Variants in PPP2CB observed in about 807,000 individuals in gnomAD.
PPP2CB encodes the protein serine/threonine-protein phosphatase 2A catalytic subunit beta isoform.
In PPP2CB, 18 loss-of-function variants were observed where a neutral mutation model predicts 39.1. The observed-to-expected ratio is 0.46, with a 90% CI of 0.32 to 0.68. The LOEUF (loss-of-function observed/expected upper bound fraction) is 0.68, where lower values mean the gene tolerates loss of function less well. PPP2CB is among the 30% of genes least tolerant of loss of function. PPP2CB has a pLI of 0.04. For missense variants in PPP2CB, 226 were observed against 396.9 expected (o/e 0.57, Z 3.66); for synonymous variants, 129 against 133.8 (o/e 0.96, Z 0.25).
intron 1 of PPP2CB, among the ~76,000 whole-genome samples, chr8:30,805,775 C>T (rs1047275100): frequency 3.3e-5 from 5 of 152,176 alleles, no homozygotes; most frequent in Non-Finnish European, 5.9e-5. Flanking sequence ...TAATAGATCT[C>T]CAATGGAGTC....
chr8:30,790,959 G>T (rs192415793), intron 6 of PPP2CB: 1 of 382,396 alleles, frequency 2.6e-6, no homozygotes, highest in East Asian at 5.7e-5. Context: ...TTATTACTGA[G>T]ATTTAGTAGG....
intron 6 of PPP2CB, among the ~76,000 whole-genome samples, chr8:30,787,966 A>T (rs1344050886): frequency 6.6e-6 from 1 of 152,176 alleles, no homozygotes; most frequent in Admixed American, 6.5e-5. Flanking sequence ...AAAGTTACTG[A>T]ATTTGCTGGC....
intron 5 of PPP2CB, among the ~76,000 whole-genome samples, chr8:30,791,987 CGT>C (rs1278737421): frequency 2.0e-5 from 3 of 150,650 alleles, no homozygotes; most frequent in Non-Finnish European, 4.4e-5. Flanking sequence ...TGTATATATA[CGT>C]GTGCATATAT....
At chr8:30,793,892 A>G in intron 5 of PPP2CB, 25 bp downstream of exon 5, 1 of 1,592,486 alleles carries the variant, frequency 6.3e-7, no homozygotes, top group South Asian at 1.1e-5. Context: ...TGAAATAAAG[A>G]TCATTCTGTC....
rs769622311 is a variant in PPP2CB, at chr8:30,812,440, C to A, written c.-19G>T. 12 of 1,502,310 alleles carry A rather than the reference C, an allele frequency of 8.0e-6. No individual in the cohort carries two copies. Among genetic ancestry groups the A allele is most frequent in the African/African-American group, 4.3e-5 (3 of 69,668 alleles). 93.1% of individuals were successfully genotyped at this position (1,502,310 alleles called of 1,614,324 possible). ...CGTCCATGGCGGCCCGATCCCGATG[C>A]GGATCCCGAGCCCCAGCCCGGCCGC... On this transcript the variant is annotated 5_prime_UTR_variant, in exon 1 of 7. Coordinates refer to ENST00000221138, the MANE Select transcript of PPP2CB (RefSeq NM_001009552.2).
At chr8:30,809,413 A>G (rs1440587941) in intron 1 of PPP2CB, among the ~76,000 whole-genome samples, 1 of 152,072 alleles carries the variant, frequency 6.6e-6, no homozygotes, top group African/African-American at 2.4e-5. Flanking sequence ...ACTAGAAACT[A>G]AGGTCAGAAA....
At chr8:30,812,160 G>C (rs1806843599) in intron 1 of PPP2CB, among the ~76,000 whole-genome samples, 160 bp downstream of exon 1, 1 of 151,958 alleles carries the variant, frequency 6.6e-6, no homozygotes, top group South Asian at 2.1e-4. Context: ...GCCCTGAACC[G>C]ATGGGCCGGC....
chr8:30,795,157 TTGTTGCCCA>T (rs1339016332), intron 3 of PPP2CB, among the ~76,000 whole-genome samples: 2 of 150,736 alleles, frequency 1.3e-5, no homozygotes, highest in African/African-American at 4.9e-5. Flanking sequence ...AGTTTCGCTC[TTGTTGCCCA>T]GTGCAATGGC....
At chr8:30,795,741 G>A (rs1049430107) in intron 3 of PPP2CB, among the ~76,000 whole-genome samples, 26 of 152,258 alleles carry the variant, frequency 1.7e-4, no homozygotes, top group African/African-American at 6.3e-4. Flanking sequence ...TATATTGGAC[G>A]AATTTCTGCA....
At chr8:30,796,636 A>T (rs1027726890) in intron 3 of PPP2CB, among the ~76,000 whole-genome samples, 38 of 152,170 alleles carry the variant, frequency 2.5e-4, no homozygotes, top group African/African-American at 8.9e-4. Flanking sequence ...TGATCCACCC[A>T]CCTTGGCCTC....
Position 30,799,766 on chromosome 8 carries a change from A to G in PPP2CB, c.103-11T>C. 1 of 1,608,712 alleles carries G rather than the reference A, an allele frequency of 6.2e-7. No individual in the cohort carries two copies. Among genetic ancestry groups the G allele is most frequent in the Non-Finnish European group, 8.5e-7 (1 of 1,175,740 alleles). On this transcript the variant is annotated splice_polypyrimidine_tract_variant and intron_variant, in intron 1 of 6. Transcript: ENST00000221138. ...TAAAATTTCCTTTGCCTGTTAGAAA[A>G]GTGAAATCAACAATTACAAAGTTAA...
chr8:30,801,137 TG>T (rs1806616866), intron 1 of PPP2CB, among the ~76,000 whole-genome samples: 2 of 151,638 alleles, frequency 1.3e-5, no homozygotes, highest in African/African-American at 2.4e-5. Flanking sequence ...CAGCTTGAGC[TG>T]GGGAGTTCAA....
At chr8:30,790,497 T>C (rs1393601745) in intron 6 of PPP2CB, among the ~76,000 whole-genome samples, 1 of 152,198 alleles carries the variant, frequency 6.6e-6, no homozygotes, top group African/African-American at 2.4e-5. Context: ...GTAAGATAAG[T>C]CCTCTGAGGC....
intron 5 of PPP2CB, chr8:30,793,675 A>G: frequency 2.7e-6 from 1 of 371,840 alleles, no homozygotes; most frequent in Non-Finnish European, 4.8e-6. Flanking sequence ...ATCTGAATGA[A>G]GCATACAGGG....
At chr8:30,807,380 T>C (rs1806742280) in intron 1 of PPP2CB, among the ~76,000 whole-genome samples, 1 of 152,238 alleles carries the variant, frequency 6.6e-6, no homozygotes, top group African/African-American at 2.4e-5. Context: ...AAGATGGTTT[T>C]GGGTATTCAG....
intron 5 of PPP2CB, chr8:30,793,691 T>C (rs1362345703): frequency 3.5e-5 from 15 of 428,058 alleles, no homozygotes; most frequent in South Asian, 2.5e-4. Flanking sequence ...CAGGGAATTA[T>C]GGGGTACTAT....
intron 1 of PPP2CB, among the ~76,000 whole-genome samples, chr8:30,805,878 A>G (rs1473579234): frequency 1.3e-5 from 2 of 152,166 alleles, no homozygotes; most frequent in African/African-American, 4.8e-5. Flanking sequence ...ATTTGATCAC[A>G]AAAGTATCTC....
chr8:30,787,913 G>C (rs779051245), intron 6 of PPP2CB, among the ~76,000 whole-genome samples: 5 of 152,148 alleles, frequency 3.3e-5, no homozygotes, highest in African/African-American at 7.2e-5. Flanking sequence ...TATTTCTTGA[G>C]TCAGTTTCAG....
At chr8:30,790,653 G>C (rs1322279439) in intron 6 of PPP2CB, among the ~76,000 whole-genome samples, 3 of 152,210 alleles carry the variant, frequency 2.0e-5, no homozygotes, top group Non-Finnish European at 4.4e-5. Flanking sequence ...ATGCATGCCT[G>C]GAGCAGAGCT....
Sources: gnomAD v4.1 joint callset for allele counts (sites outside exome capture counted in the v4.1 genomes callset) on GRCh38, gnomAD v4.1.1 for gene constraint, MANE v1.5 for transcripts, NCBI Gene and HGNC (gene_info 2026-07-23, HGNC 2026-07-21) for gene names.